Variants in ZDHHC15 observed in about 807,000 individuals in gnomAD.
ZDHHC15 encodes palmitoyltransferase ZDHHC15.
ZDHHC15 carries 19 observed loss-of-function variants against 31.7 expected under a neutral mutation model. That is an observed-to-expected ratio of 0.60 (90% CI 0.42 to 0.88). The LOEUF (loss-of-function observed/expected upper bound fraction) is 0.88, where lower values mean the gene tolerates loss of function less well. ZDHHC15 is among the 40% of genes least tolerant of loss of function. The probability of loss-of-function intolerance (pLI) is 0.00; values close to 1 mark genes in which losing one functional copy is unlikely to be tolerated. For missense variants in ZDHHC15, 209 were observed against 251.2 expected, an observed-to-expected ratio of 0.83 and a Z score of 1.14; for synonymous variants, 103 against 90.0, an observed-to-expected ratio of 1.14 and a Z score of -0.82.
chrX:75,407,244 C>T (rs12688484), intron 10 of ZDHHC15, among the ~76,000 whole-genome samples: 6,438 of 110,329 alleles, frequency 0.058, 238 homozygotes, highest in African/African-American at 0.13. Flanking sequence ...AGGTGAGGAG[C>T]GTCTCTGCCC....
chrX:75,482,542 A>T (rs2084707600), intron 2 of ZDHHC15, among the ~76,000 whole-genome samples: 2 of 111,493 alleles, frequency 1.8e-5, no homozygotes, highest in Admixed American at 9.6e-5. Flanking sequence ...CTACTCATCA[A>T]TTTACATAAA....
At chrX:75,472,569 G>T (rs1326870099) in intron 3 of ZDHHC15, among the ~76,000 whole-genome samples, 2 of 112,164 alleles carry the variant, frequency 1.8e-5, no homozygotes, top group African/African-American at 6.5e-5. Flanking sequence ...TCTCTGAGTG[G>T]TCATAAACTG....
At chrX:75,382,979 T>G (rs922848313) in intron 10 of ZDHHC15, among the ~76,000 whole-genome samples, 2 of 112,011 alleles carry the variant, frequency 1.8e-5, no homozygotes, top group African/African-American at 6.5e-5. Flanking sequence ...TCTATCCATA[T>G]TTTTACACCT....
At chrX:75,446,886 G>A (rs765916902) in intron 4 of ZDHHC15, among the ~76,000 whole-genome samples, 116 of 111,682 alleles carry the variant, frequency 1.0e-3, no homozygotes, top group Non-Finnish European at 1.9e-3. Flanking sequence ...CTTGGGGACA[G>A]GATTTCAATA....
At chrX:75,514,127 C>A (rs1602769526) in intron 1 of ZDHHC15, among the ~76,000 whole-genome samples, 2 of 112,942 alleles carry the variant, frequency 1.8e-5, no homozygotes, top group African/African-American at 3.2e-5. Flanking sequence ...AAAGGGCATT[C>A]TTTAGAAAAA....
intron 2 of ZDHHC15, among the ~76,000 whole-genome samples, chrX:75,479,270 A>G (rs755985265): frequency 1.8e-5 from 2 of 112,103 alleles, no homozygotes; most frequent in Non-Finnish European, 3.8e-5. Flanking sequence ...ACTTCAGCCA[A>G]TTGTCATTAT....
intron 2 of ZDHHC15, among the ~76,000 whole-genome samples, chrX:75,488,989 C>A (rs1602715718): frequency 1.8e-5 from 2 of 111,834 alleles, no homozygotes; most frequent in South Asian, 3.8e-4. Context: ...ACCCACAGAG[C>A]CTCCTTCATT....
At chrX:75,394,695 C>T (rs970237186) in intron 10 of ZDHHC15, among the ~76,000 whole-genome samples, 1 of 111,798 alleles carries the variant, frequency 8.9e-6, no homozygotes, top group Admixed American at 9.5e-5. Flanking sequence ...TATACTTACA[C>T]TCAACACTGG....
chrX:75,463,430 A>C (rs192682712), intron 3 of ZDHHC15, among the ~76,000 whole-genome samples: 2 of 111,399 alleles, frequency 1.8e-5, no homozygotes, highest in Admixed American at 9.6e-5. Flanking sequence ...CTTGATACCA[A>C]AACCTGGAAG....
At chrX:75,417,830 TG>T (rs945973682) in intron 9 of ZDHHC15, among the ~76,000 whole-genome samples, 1 of 111,827 alleles carries the variant, frequency 8.9e-6, no homozygotes, top group Admixed American at 9.5e-5. Flanking sequence ...GGAACTGAGC[TG>T]GCCCTGGCTA....
At chrX:75,431,126 C>A (rs2083774827) in intron 5 of ZDHHC15, among the ~76,000 whole-genome samples, 3 of 111,998 alleles carry the variant, frequency 2.7e-5, no homozygotes, top group African/African-American at 9.7e-5. Flanking sequence ...TTAATTGTAA[C>A]AAATGTATCA....
At chrX:75,494,603 G>C (rs1457994201) in intron 2 of ZDHHC15, among the ~76,000 whole-genome samples, 1 of 111,672 alleles carries the variant, frequency 9.0e-6, no homozygotes, top group Admixed American at 9.5e-5. Context: ...CAATGGAACA[G>C]AACAGAGCCC....
chrX:75,501,726 C>A (rs758386848), intron 2 of ZDHHC15: 1 of 106,475 alleles, frequency 9.4e-6, no homozygotes, highest in African/African-American at 3.3e-5. Flanking sequence ...TCACATTTGT[C>A]GGCCACAGGT....
At chrX:75,502,855 TATC>T (rs1443201752) in intron 2 of ZDHHC15, among the ~76,000 whole-genome samples, 1 of 111,042 alleles carries the variant, frequency 9.0e-6, no homozygotes, top group East Asian at 2.8e-4. Flanking sequence ...ATAAATACAT[TATC>T]ATGTTTTTAA....
intron 2 of ZDHHC15, among the ~76,000 whole-genome samples, chrX:75,487,556 A>G (rs1303217539): frequency 8.9e-6 from 1 of 112,122 alleles, no homozygotes; most frequent in Non-Finnish European, 1.9e-5. Flanking sequence ...AAATCTTTCC[A>G]CTGAAACAGT....
At chrX:75,494,584 T>G (rs1218641790) in intron 2 of ZDHHC15, among the ~76,000 whole-genome samples, 4 of 111,442 alleles carry the variant, frequency 3.6e-5, no homozygotes, top group African/African-American at 6.5e-5. Context: ...CCAAAACAGA[T>G]ATATAGACCA....
intron 10 of ZDHHC15, among the ~76,000 whole-genome samples, chrX:75,386,175 G>A (rs1315417535): frequency 9.0e-6 from 1 of 111,210 alleles, no homozygotes; most frequent in Non-Finnish European, 1.9e-5. Flanking sequence ...TAACAAAAGA[G>A]GAAATAGGCC....
Position 75,394,538 on chromosome X carries a change from T to C in ZDHHC15, c.968-15340A>G, listed in dbSNP as rs1040936034. Among the ~76,000 whole-genome samples, 4 of 110,651 alleles carry C rather than the reference T, an allele frequency of 3.6e-5. No individual in the cohort carries two copies. In the Admixed American group the frequency reaches 3.8e-4, roughly 11 times the overall value. On this transcript the variant is annotated intron_variant, in intron 10 of 11. Transcript: ENST00000373367. ...TAAAGGAATGGAAAAAGATATTCCA[T>C]GCAAGTGAAAACAAAAACAGAGCAT...
In ZDHHC15 at chrX:75,429,206, A is replaced by G. The variant is rs2083748455; in HGVS notation, c.483-8T>C. 2 of 1,196,286 alleles carry G rather than the reference A, an allele frequency of 1.7e-6. No homozygotes were observed. Among genetic ancestry groups the G allele is most frequent in the East Asian group, 6.0e-5 (2 of 33,555 alleles). Reference sequence around the variant, plus strand: ...CCAATGCAGTTATTAACCCTAAAAAAAAAGAAAAACTAATTTGACATCAGG... The same window carrying G: ...CCAATGCAGTTATTAACCCTAAAAAGAAAGAAAAACTAATTTGACATCAGG... On this transcript the variant is annotated splice_polypyrimidine_tract_variant and splice_region_variant and intron_variant, in intron 6 of 11. Coordinates refer to ENST00000373367, the MANE Select transcript of ZDHHC15 (RefSeq NM_144969.3).
Sources: gnomAD v4.1 joint callset for allele counts (sites outside exome capture counted in the v4.1 genomes callset) on GRCh38, gnomAD v4.1.1 for gene constraint, MANE v1.5 for transcripts, NCBI Gene and HGNC (gene_info 2026-07-23, HGNC 2026-07-21) for gene names.